PTPRT: variants seen among roughly 807,000 people sequenced by gnomAD.
PTPRT encodes the protein receptor-type tyrosine-protein phosphatase T.
In PTPRT, 56 loss-of-function variants were observed where a neutral mutation model predicts 176.8. The ratio of observed to expected loss-of-function variants is 0.32; its 90% CI spans 0.26 to 0.40. The LOEUF (loss-of-function observed/expected upper bound fraction) is 0.40. PTPRT is among the 10% of genes least tolerant of loss of function. PTPRT has a pLI of 1.00. For missense variants in PTPRT, 1,540 were observed against 1,908.2 expected, an observed-to-expected ratio of 0.81 and a Z score of 3.60; for synonymous variants, 783 against 739.0, an observed-to-expected ratio of 1.06 and a Z score of -0.96.
chr20:42,833,231 A>C (rs1326734193), intron 2 of PTPRT, among the ~76,000 whole-genome samples: 6 of 151,876 alleles, frequency 4.0e-5, no homozygotes, highest in Non-Finnish European at 5.9e-5. Context: ...TTAAAAAAAA[A>C]CCTAAAGTCA....
intron 8 of PTPRT, among the ~76,000 whole-genome samples, chr20:42,466,590 A>G (rs759570064): frequency 1.4e-4 from 21 of 152,184 alleles, no homozygotes; most frequent in Non-Finnish European, 2.9e-4. Flanking sequence ...TGTGTGTTTC[A>G]GGAAATGAAA....
intron 6 of PTPRT, among the ~76,000 whole-genome samples, chr20:42,718,637 A>G (rs574219013): frequency 1.2e-3 from 183 of 152,330 alleles, no homozygotes; most frequent in African/African-American, 4.3e-3. Context: ...TATATAATTT[A>G]TGCTCTTATT....
At chr20:42,273,284 C>T (rs896961109) in intron 13 of PTPRT, among the ~76,000 whole-genome samples, 5 of 152,124 alleles carry the variant, frequency 3.3e-5, no homozygotes, top group Admixed American at 6.5e-5. Context: ...GGCATGATCT[C>T]GGCTCACTGC....
chr20:42,578,623 A>T (rs1323822080), intron 7 of PTPRT, among the ~76,000 whole-genome samples: 1 of 152,020 alleles, frequency 6.6e-6, no homozygotes, highest in Non-Finnish European at 1.5e-5. Flanking sequence ...CACTTCCACT[A>T]CCAATCCACC....
At chr20:42,936,179 G>GAAAGCAAA (rs749853743) in intron 1 of PTPRT, among the ~76,000 whole-genome samples, 25 of 152,176 alleles carry the variant, frequency 1.6e-4, no homozygotes, top group African/African-American at 5.8e-4. Flanking sequence ...CAGCTATAGA[G>GAAAGCAAA]AAAGCAAAAC....
intron 12 of PTPRT, among the ~76,000 whole-genome samples, chr20:42,301,040 A>G (rs2057460621): frequency 6.6e-6 from 1 of 152,200 alleles, no homozygotes; most frequent in African/African-American, 2.4e-5. Context: ...TTCAACAAAA[A>G]ATATCAGCAA....
intron 1 of PTPRT, among the ~76,000 whole-genome samples, chr20:43,170,392 A>C (rs1233630186): frequency 6.6e-6 from 1 of 152,204 alleles, no homozygotes; most frequent in African/African-American, 2.4e-5. Flanking sequence ...AAGGATATAG[A>C]GAGAGTAAGC....
intron 1 of PTPRT, among the ~76,000 whole-genome samples, chr20:42,943,189 C>T (rs188095980): frequency 9.9e-5 from 15 of 152,268 alleles, no homozygotes; most frequent in Middle Eastern, 3.4e-3. Context: ...AGCCGAGTTG[C>T]CTGGCTGCCA....
At chr20:42,551,242 G>T (rs2072765146) in intron 7 of PTPRT, among the ~76,000 whole-genome samples, 1 of 152,080 alleles carries the variant, frequency 6.6e-6, no homozygotes, top group South Asian at 2.1e-4. Context: ...TAAAACATCT[G>T]CCTTGTTACT....
chr20:42,501,638 T>C lies in PTPRT; in HGVS notation c.1154-29076A>G, dbSNP rs371910810. On this transcript the variant is annotated intron_variant, in intron 7 of 30. Transcript: ENST00000373187. ...TGCTGTTTTAGCACCTCAGTGGCAG[T>C]GTTGAATAGTTGTGATAGAAACAGT... Among the ~76,000 whole-genome samples, 11 of 152,328 alleles carry C rather than the reference T, an allele frequency of 7.2e-5. No individual in the cohort carries two copies. The East Asian group carries it at 1.4e-3, about 19-fold the overall frequency.
chr20:43,168,769 T>C (rs2014920597), intron 1 of PTPRT, among the ~76,000 whole-genome samples: 1 of 152,178 alleles, frequency 6.6e-6, no homozygotes, highest in Non-Finnish European at 1.5e-5. Context: ...CCCCTTTTTA[T>C]GTATTTCCTC....
intron 6 of PTPRT, among the ~76,000 whole-genome samples, chr20:42,684,027 G>A (rs1396417176): frequency 6.6e-6 from 1 of 152,150 alleles, no homozygotes; most frequent in Non-Finnish European, 1.5e-5. Context: ...AGTAGATATA[G>A]CATCAAATCC....
At chr20:42,689,163 C>A (rs192788497) in intron 6 of PTPRT, among the ~76,000 whole-genome samples, 1 of 152,324 alleles carries the variant, frequency 6.6e-6, no homozygotes, top group Non-Finnish European at 1.5e-5. Flanking sequence ...CCTTTTGGCC[C>A]ACCATACCTC....
At chr20:43,033,891 G>A (rs145417997) in intron 1 of PTPRT, among the ~76,000 whole-genome samples, 2 of 152,070 alleles carry the variant, frequency 1.3e-5, no homozygotes, top group African/African-American at 2.4e-5. Context: ...ATCCAACCCC[G>A]GCCCTAGAGC....
At position 42,302,054 on chromosome 20, in the gene PTPRT, A is replaced by G. The variant is rs563948637; in HGVS notation, c.2139+13669T>C. 4.6e-5 allele frequency among the ~76,000 whole-genome samples: 7 copies of G among 152,330 alleles called. No homozygotes were observed. The South Asian group carries it at 8.3e-4, about 18-fold the overall frequency. On this transcript the variant is annotated intron_variant, in intron 12 of 30. Transcript: ENST00000373187. ...ACATTCAAATTTTGTTTTTCCCAAC[A>G]TGAGTGACATTGGGTACATTCCTTA...
intron 1 of PTPRT, among the ~76,000 whole-genome samples, chr20:42,965,249 C>G (rs906533534): frequency 6.6e-6 from 1 of 152,006 alleles, no homozygotes; most frequent in African/African-American, 2.4e-5. Flanking sequence ...AAAGAAAGCC[C>G]GGATTTATAG....
At chr20:42,640,269 T>C (rs1428246931) in intron 7 of PTPRT, among the ~76,000 whole-genome samples, 1 of 152,192 alleles carries the variant, frequency 6.6e-6, no homozygotes, top group Non-Finnish European at 1.5e-5. Context: ...TATGAATCTA[T>C]TCTTTGTCTA....
At chr20:42,480,668 G>A (rs957897220) in intron 7 of PTPRT, among the ~76,000 whole-genome samples, 1 of 152,092 alleles carries the variant, frequency 6.6e-6, no homozygotes, top group African/African-American at 2.4e-5. Context: ...GAAGTACTGG[G>A]CTTCTGGACA....
chr20:42,266,404 AG>A (rs1279177084), intron 13 of PTPRT, among the ~76,000 whole-genome samples: 1 of 152,138 alleles, frequency 6.6e-6, no homozygotes, highest in African/African-American at 2.4e-5. Flanking sequence ...TCAGAAGTCC[AG>A]GCCACCCCCT....
Sources: allele counts gnomAD v4.1 joint callset (sites outside exome capture counted in the v4.1 genomes callset), GRCh38; gene constraint gnomAD v4.1.1; transcripts MANE v1.5; gene names NCBI Gene and HGNC (gene_info 2026-07-23, HGNC 2026-07-21).